The following LOC128462377 variants were observed in gnomAD, a reference collection of about 807,000 sequenced individuals.
chr16:89,406,385 A>G, the LOC128462377 span, among the ~76,000 whole-genome samples: 3 of 152,316 alleles, frequency 2.0e-5, no homozygotes, highest in Non-Finnish European at 2.9e-5. Context: ...TGAGGGCGAC[A>G]AAACACCAGC....
chr16:89,367,435 G>A, the LOC128462377 span, among the ~76,000 whole-genome samples: 16 of 152,266 alleles, frequency 1.1e-4, no homozygotes, highest in East Asian at 3.9e-4. Flanking sequence ...GGGGAGAGAC[G>A]CTCTCAAACG....
chr16:89,327,152 T>C, the LOC128462377 span, among the ~76,000 whole-genome samples: 1 of 151,836 alleles, frequency 6.6e-6, no homozygotes, highest in Non-Finnish European at 1.5e-5. Context: ...GACAGCGAAA[T>C]ATGTAAGGCT....
chr16:89,367,496 T>C, the LOC128462377 span, among the ~76,000 whole-genome samples: 1 of 152,198 alleles, frequency 6.6e-6, no homozygotes, highest in Admixed American at 6.5e-5. Flanking sequence ...AGTGTACAGC[T>C]GCCATGGTCA....
chr16:89,406,447 G>A, the LOC128462377 span, among the ~76,000 whole-genome samples: 5 of 152,236 alleles, frequency 3.3e-5, no homozygotes, highest in African/African-American at 1.2e-4. Flanking sequence ...AGCAGCTGCT[G>A]AGAAGGCCGC....
chr16:89,363,353 A>G, the LOC128462377 span, among the ~76,000 whole-genome samples: 2 of 152,204 alleles, frequency 1.3e-5, no homozygotes, highest in African/African-American at 4.8e-5. Context: ...TTCAGTCTGC[A>G]TTAGGAGATA....
chr16:89,355,612 T>A, the LOC128462377 span, among the ~76,000 whole-genome samples: 1 of 152,056 alleles, frequency 6.6e-6, no homozygotes, highest in African/African-American at 2.4e-5. Flanking sequence ...GACTGAAATG[T>A]CACAGTATCG....
At chr16:89,415,420 A>G in the LOC128462377 span, among the ~76,000 whole-genome samples, 1 of 149,898 alleles carries the variant, frequency 6.7e-6, no homozygotes, top group Non-Finnish European at 1.5e-5. Flanking sequence ...GCCTGCCACC[A>G]TGCCCGGCTA....
the LOC128462377 span, among the ~76,000 whole-genome samples, chr16:89,337,856 G>A: frequency 6.6e-6 from 1 of 152,192 alleles, no homozygotes; most frequent in Admixed American, 6.5e-5. Flanking sequence ...CTCTCCCTCT[G>A]TTCTCTAATG....
the LOC128462377 span, among the ~76,000 whole-genome samples, chr16:89,326,985 G>T: frequency 2.6e-5 from 4 of 151,916 alleles, no homozygotes; most frequent in Non-Finnish European, 5.9e-5. Flanking sequence ...ACTGGGCAAT[G>T]CAGAGGTGGG....
chr16:89,357,183 A>C, the LOC128462377 span, among the ~76,000 whole-genome samples: 1 of 152,182 alleles, frequency 6.6e-6, no homozygotes, highest in Non-Finnish European at 1.5e-5. Flanking sequence ...GCTACAACAC[A>C]CCTTCGAAGA....
At chr16:89,388,293 ATTTT>A in the LOC128462377 span, among the ~76,000 whole-genome samples, 254 of 85,288 alleles carry the variant, frequency 3.0e-3, 4 homozygotes, top group African/African-American at 9.5e-3. Context: ...CATGAGGCTG[ATTTT>A]TTTTTTTTTT....
At chr16:89,360,473 T>A in the LOC128462377 span, 1 of 152,256 alleles carries the variant, frequency 6.6e-6, no homozygotes, top group African/African-American at 2.4e-5. Flanking sequence ...AGAAACTATA[T>A]ACCACAAATC....
At chr16:89,414,909 A>G in the LOC128462377 span, among the ~76,000 whole-genome samples, 1 of 152,198 alleles carries the variant, frequency 6.6e-6, no homozygotes, top group East Asian at 1.9e-4. Flanking sequence ...AATGACACAA[A>G]TACCAACATG....
At chr16:89,403,063 G>A in the LOC128462377 span, among the ~76,000 whole-genome samples, 3 of 152,146 alleles carry the variant, frequency 2.0e-5, no homozygotes, top group African/African-American at 4.8e-5. Flanking sequence ...GCGTGGTGGC[G>A]GGTGGCCTGG....
At chr16:89,323,384 C>T in the LOC128462377 span, 1,025 of 1,269,418 alleles carry the variant, frequency 8.1e-4, 14 homozygotes, top group African/African-American at 0.015. Flanking sequence ...TCTCAGTGGG[C>T]AAGGGGAGAG....
chr16:89,417,311 G>A, the LOC128462377 span, among the ~76,000 whole-genome samples: 1 of 152,150 alleles, frequency 6.6e-6, no homozygotes, highest in Non-Finnish European at 1.5e-5. Flanking sequence ...TTTTTGGAAT[G>A]TTCACTTTAA....
chr16:89,374,798 C>A, the LOC128462377 span, among the ~76,000 whole-genome samples: 1 of 152,092 alleles, frequency 6.6e-6, no homozygotes, highest in Non-Finnish European at 1.5e-5. Flanking sequence ...CAGAGCTGAC[C>A]CCGAACACCA....
the LOC128462377 span, among the ~76,000 whole-genome samples, chr16:89,368,863 G>C: frequency 1.3e-5 from 2 of 152,130 alleles, no homozygotes; most frequent in African/African-American, 2.4e-5. Flanking sequence ...CCAAGCCACT[G>C]CACTCAAATC....
At chr16:89,335,636 T>G in the LOC128462377 span, among the ~76,000 whole-genome samples, 2 of 152,116 alleles carry the variant, frequency 1.3e-5, no homozygotes, top group African/African-American at 4.8e-5. Flanking sequence ...ACACACAAGC[T>G]GAGGTAAGAT....
Sources: gnomAD v4.1 joint callset for allele counts (sites outside exome capture counted in the v4.1 genomes callset) on GRCh38, gnomAD v4.1.1 for gene constraint, MANE v1.5 for transcripts.